Variants in SORBS3 observed in about 807,000 individuals in gnomAD.
The protein encoded by SORBS3 is sorbin and SH3 domain containing 3.
SORBS3 carries 69 observed loss-of-function variants against 98.0 expected under a neutral mutation model. That is an observed-to-expected ratio of 0.70 (90% confidence interval 0.58 to 0.86). The LOEUF is 0.86. Among genes scored for constraint, SORBS3 ranks in the 40% least tolerant of loss-of-function variants. The pLI is 0.00. For synonymous variants in SORBS3, 394 were observed against 355.4 expected (o/e 1.11, Z -1.22); for missense variants, 954 against 908.5 (o/e 1.05, Z -0.64).
Position 22,554,597 on chromosome 8 carries a change from C to A in SORBS3, c.91C>A (p.Arg31=). ...HLQSHIGSSS[R]GTRVPVIRNG... is the part of the protein sequence containing the mutation. ...CCAGTCCCACATAGGGTCTTCCTCC[C>A]GGGGGACACGGGTGAGTGAGTCAGT... The change falls in exon 2 of 21, where the codon CGG becomes AGG. Residue 31 remains arginine (R), a synonymous_variant. Coordinates refer to ENST00000240123, the MANE Select transcript of SORBS3 (RefSeq NM_005775.5). The surrounding 1 kb of genome is among the most constrained non-coding windows in gnomAD (Gnocchi z 6.5). The A allele has an allele frequency of 6.2e-7, 1 of 1,612,086 alleles. No individual in the cohort carries two copies. The highest frequency in any genetic ancestry group is 1.3e-5 in the African/African-American group (1 of 75,054).
chr8:22,549,365 G>A (rs749400992), upstream of SORBS3, among the ~76,000 whole-genome samples: 11 of 152,180 alleles, frequency 7.2e-5, no homozygotes, highest in Non-Finnish European at 1.2e-4. Context: ...CTCCCTAACC[G>A]TGCCAGCTGT....
upstream of SORBS3, among the ~76,000 whole-genome samples, chr8:22,548,983 G>A (rs1216630239): frequency 6.6e-6 from 1 of 152,212 alleles, no homozygotes; most frequent in Non-Finnish European, 1.5e-5. Flanking sequence ...CCTGCAGGGG[G>A]GTGGGGGTTG....
intron 20 of SORBS3, among the ~76,000 whole-genome samples, chr8:22,573,654 C>A (rs1425231025): frequency 1.4e-5 from 2 of 146,236 alleles, no homozygotes; most frequent in Admixed American, 1.4e-4. Flanking sequence ...AAGGGAGGTA[C>A]TCGGGGCAGA....
At chr8:22,564,239 C>T in intron 8 of SORBS3, 44 bp from the exon 9 acceptor site, 1 of 1,541,000 alleles carries the variant, frequency 6.5e-7, no homozygotes, top group Non-Finnish European at 8.8e-7. Context: ...GCCAGTGTCC[C>T]AGTAGCCCTC....
At chr8:22,557,121 G>C (rs1054794052) in intron 4 of SORBS3, among the ~76,000 whole-genome samples, 2 of 152,160 alleles carry the variant, frequency 1.3e-5, no homozygotes, top group African/African-American at 4.8e-5. Context: ...TGGTTTGTGC[G>C]GGGTACAGAT....
intron 3 of SORBS3, 60 bp downstream of exon 3, chr8:22,555,040 C>A: frequency 7.0e-7 from 1 of 1,423,810 alleles, no homozygotes. Context: ...CCATCTGGCA[C>A]TGCCCTGTGT....
At chr8:22,568,456 C>T (rs760219557) in intron 16 of SORBS3, among the ~76,000 whole-genome samples, 2 of 152,182 alleles carry the variant, frequency 1.3e-5, no homozygotes, top group Non-Finnish European at 2.9e-5. Context: ...TTTCTCATCT[C>T]GTCTGTGACT....
intron 1 of SORBS3, chr8:22,545,343 G>A (rs114921903): frequency 6.6e-4 from 100 of 152,408 alleles, no homozygotes; most frequent in African/African-American, 2.2e-3. Context: ...TGTGAGTAGA[G>A]AACTGTATTA....
chr8:22,560,329 C>A (rs575796171), intron 5 of SORBS3, among the ~76,000 whole-genome samples: 5 of 152,086 alleles, frequency 3.3e-5, no homozygotes, highest in African/African-American at 1.2e-4. Flanking sequence ...AAACAACAAT[C>A]CATAAGACTA....
intron 5 of SORBS3, among the ~76,000 whole-genome samples, chr8:22,558,522 A>T (rs1840231035): frequency 6.6e-6 from 1 of 151,888 alleles, no homozygotes; most frequent in South Asian, 2.1e-4. Context: ...CCCTTACTGG[A>T]GGCATTGCTT....
chr8:22,574,048 G>C (rs1051659868), intron 20 of SORBS3, among the ~76,000 whole-genome samples: 1 of 152,134 alleles, frequency 6.6e-6, no homozygotes, highest in Non-Finnish European at 1.5e-5. Context: ...GTGACCCTGG[G>C]GTGGTGCCAG....
At chr8:22,551,873 C>CGGCCCGTCCT, upstream of SORBS3, 4 of 985,268 alleles carry the variant, frequency 4.1e-6, no homozygotes, top group Non-Finnish European at 4.8e-6. The surrounding 1 kb of genome is among the most constrained non-coding windows in gnomAD (Gnocchi z 5.8). Flanking sequence ...CGGCCCGGCC[C>CGGCCCGTCCT]GGCCCGTCCT....
At chr8:22,547,493 T>C (rs1156564567), upstream of SORBS3, among the ~76,000 whole-genome samples, 1 of 152,236 alleles carries the variant, frequency 6.6e-6, no homozygotes, top group Non-Finnish European at 1.5e-5. Context: ...TTCTTCTTTG[T>C]TTGGAGGCCA....
chr8:22,550,263 C>T (rs1441283132), upstream of SORBS3, among the ~76,000 whole-genome samples: 1 of 152,218 alleles, frequency 6.6e-6, no homozygotes, highest in East Asian at 1.9e-4. Context: ...TCTCCGCCTT[C>T]CTGGAGAGTC....
At chr8:22,549,213 G>C (rs1840048019), upstream of SORBS3, among the ~76,000 whole-genome samples, 1 of 152,268 alleles carries the variant, frequency 6.6e-6, no homozygotes, top group Non-Finnish European at 1.5e-5. Context: ...GACTTGCAGG[G>C]AGGGAGGCCC....
chr8:22,565,031 G>C, intron 10 of SORBS3: 1 of 1,400,604 alleles, frequency 7.1e-7, no homozygotes. Context: ...GCGGAATCGC[G>C]GGATCAGGAA....
intron 17 of SORBS3, 34 bp downstream of exon 17, chr8:22,569,307 G>A (rs768322719): frequency 2.6e-6 from 4 of 1,544,728 alleles, no homozygotes; most frequent in Non-Finnish European, 3.5e-6. Context: ...GGTGGGTGGG[G>A]GCAGGTGAAG....
At chr8:22,553,527 T>A (rs527886832) in intron 1 of SORBS3, among the ~76,000 whole-genome samples, 64 of 152,230 alleles carry the variant, frequency 4.2e-4, no homozygotes, top group African/African-American at 1.4e-3. Context: ...TGGGCTCCCC[T>A]CTTGCCCCTC....
Position 22,565,096 on chromosome 8 carries a change from C to T in SORBS3, c.817-172C>T, listed in dbSNP as rs1840376929. On this transcript the variant is annotated intron_variant, in intron 10 of 20. Coordinates refer to ENST00000240123, the MANE Select transcript of SORBS3 (RefSeq NM_005775.5). ...CAGGTGAGAGGCCGTGGCGGGGATG[C>T]CCTCTTGGCACCCTGGGCCACACCT... 5 of 1,437,322 alleles carry T rather than the reference C, an allele frequency of 3.5e-6. No individual in the cohort carries two copies. In the South Asian group the frequency reaches 7.2e-5, roughly 21 times the overall value. The allele number at this position is 1,437,322 out of a possible 1,614,324, so 89.0% of individuals were successfully genotyped here. A position where few individuals can be genotyped will look rare whatever the true frequency, so the allele number is the denominator to read the frequency against.
Sources: gnomAD v4.1 joint callset for allele counts (sites outside exome capture counted in the v4.1 genomes callset) on GRCh38, gnomAD v4.1.1 for gene constraint, Gnocchi (gnomAD v3.1) non-coding constraint, MANE v1.5 for transcripts, NCBI Gene and HGNC (gene_info 2026-07-23, HGNC 2026-07-21) for gene names.